Variants in ADGRD1 observed in about 807,000 individuals in gnomAD.
ADGRD1 encodes the protein G-protein coupled receptor 133.
ADGRD1 carries 77 observed loss-of-function variants against 113.4 expected under a neutral mutation model. The ratio of observed to expected loss-of-function variants is 0.68; its 90% CI spans 0.57 to 0.82. The LOEUF is 0.82. Ranked by LOEUF, ADGRD1 falls within the 40% of genes least tolerant of loss-of-function variation. ADGRD1 has a pLI of 0.00. For missense variants in ADGRD1, 1,036 were observed against 1,139.1 expected (o/e 0.91, Z 1.30); for synonymous variants, 474 against 475.0 (o/e 1.00, Z 0.03).
In ADGRD1 at chr12:131,136,045, C is replaced by T. The variant is rs1160997194; in HGVS notation, c.2276C>T (p.Ala759Val). 1.9e-6 allele frequency: 3 copies of T among 1,614,158 alleles called. No individual in the cohort carries two copies. Among genetic ancestry groups the T allele is most frequent in the Non-Finnish European group, 2.5e-6 (3 of 1,179,996 alleles). Residue 759 changes from alanine (A) to valine (V), a missense_variant, in exon 22 of 25, where the codon GCC becomes GTC. Ala to Val is a moderately conservative substitution (Grantham distance 64). Coordinates refer to ENST00000261654, the MANE Select transcript of ADGRD1 (RefSeq NM_198827.5). ...TCACTGTTTCTCTCCAGGTTGACAG[C>T]CAAGGCAGTGGCCGTGCTGCTGCCC... ...HGDPSAFKLT[A>V]KAVAVLLPIL...
chr12:130,994,178 T>A, intron 8 of ADGRD1: 1 of 397,284 alleles, frequency 2.5e-6, no homozygotes, highest in Non-Finnish European at 5.3e-6. Context: ...GGGTGTTGGG[T>A]GGAAAGAGCG....
At chr12:131,045,880 A>C (rs568239250) in intron 13 of ADGRD1, among the ~76,000 whole-genome samples, 1 of 150,854 alleles carries the variant, frequency 6.6e-6, no homozygotes. Flanking sequence ...TGCCTTGTCC[A>C]TATCCTTCCT....
intron 13 of ADGRD1, among the ~76,000 whole-genome samples, chr12:131,064,740 A>G (rs1884584991): frequency 6.6e-6 from 1 of 152,220 alleles, no homozygotes. Flanking sequence ...TACTCAAGTG[A>G]GTTTATCTTA....
intron 6 of ADGRD1, 153 bp downstream of exon 6, chr12:130,987,502 AG>A: frequency 1.4e-6 from 1 of 729,688 alleles, no homozygotes; most frequent in South Asian, 1.8e-5. Context: ...GTTGTGTGTT[AG>A]AACACCTGTT....
chr12:131,017,131 T>C (rs1453190260), intron 13 of ADGRD1, among the ~76,000 whole-genome samples: 2 of 152,002 alleles, frequency 1.3e-5, no homozygotes, highest in African/African-American at 4.8e-5. Flanking sequence ...AGAGCACAGC[T>C]TGAGTGCCAG....
intron 2 of ADGRD1, among the ~76,000 whole-genome samples, chr12:130,964,910 A>G (rs116448914): frequency 0.021 from 3,212 of 152,124 alleles, 41 homozygotes; most frequent in South Asian, 0.054. Flanking sequence ...CTTATTTTTT[A>G]TATAAACTCC....
At chr12:130,956,852 C>G (rs976405366) in intron 2 of ADGRD1, 1 of 152,358 alleles carries the variant, frequency 6.6e-6, no homozygotes, top group Non-Finnish European at 1.5e-5. Context: ...CAACACAAAT[C>G]ACACACATCC....
At position 131,076,804 on chromosome 12, in the gene ADGRD1, CG is replaced by C; in HGVS notation, c.1478del (p.Arg493LeufsTer102). On this transcript the variant is annotated frameshift_variant, in exon 14 of 25. Coordinates refer to ENST00000261654, the MANE Select transcript of ADGRD1 (RefSeq NM_198827.5). LOFTEE classifies it high-confidence loss of function. ...TGTTTGCTTTCTTTCATTTCAGACA[CG>C]TAAGCAGCACAGTGAGGCCACCAAC... is the stretch of plus-strand genomic sequence containing the variant. The part of the protein sequence containing the change: ...ITVHLKHRLT[R>X]KQHSEATNSS... 6.2e-7 allele frequency: 1 copy of C among 1,613,852 alleles called. No individual in the cohort carries two copies. Among genetic ancestry groups the C allele is most frequent in the African/African-American group, 1.3e-5 (1 of 75,040 alleles).
At chr12:130,979,815 TCTCACA>T (rs367823160) in intron 4 of ADGRD1, among the ~76,000 whole-genome samples, 79,181 of 139,628 alleles carry the variant, frequency 0.57, 23,624 homozygotes, top group East Asian at 0.75. Context: ...GCAGCTAGTG[TCTCACA>T]CACACACACA....
intron 2 of ADGRD1, among the ~76,000 whole-genome samples, chr12:130,958,540 T>A (rs1869957493): frequency 1.3e-5 from 2 of 152,080 alleles, no homozygotes; most frequent in African/African-American, 4.8e-5. Flanking sequence ...CATCTCAGGC[T>A]CTGCTCACCT....
intron 13 of ADGRD1, among the ~76,000 whole-genome samples, chr12:131,073,706 C>T (rs540692783): frequency 6.8e-4 from 104 of 152,236 alleles, no homozygotes; most frequent in African/African-American, 2.3e-3. Flanking sequence ...GCTCGGGCAG[C>T]CGTGTCTGGT....
intron 4 of ADGRD1, chr12:130,977,864 CTGAGTCTGTGGGCCTGGGAAG>C (rs1223896412): frequency 6.6e-6 from 1 of 152,538 alleles, no homozygotes; most frequent in South Asian, 2.1e-4. Flanking sequence ...TTGCAGGGTG[CTGAGTCTGTGGGCCTGGGAAG>C]GGCAGCTGCA....
chr12:131,031,895 T>C (rs1880802359), intron 13 of ADGRD1, among the ~76,000 whole-genome samples: 2 of 152,222 alleles, frequency 1.3e-5, no homozygotes, highest in Admixed American at 6.5e-5. Context: ...GGTGCCTACC[T>C]GCCTTCCCTG....
chr12:131,040,122 A>G (rs1337174803), intron 13 of ADGRD1, among the ~76,000 whole-genome samples: 1 of 152,098 alleles, frequency 6.6e-6, no homozygotes, highest in Non-Finnish European at 1.5e-5. Context: ...TCCTGCTCCC[A>G]GGGGCCGCTT....
rs79986349 is a variant in ADGRD1 at position 131,050,686 on chromosome 12, G to C, written c.1474-26115G>C. Among the ~76,000 whole-genome samples the C allele has an allele frequency of 5.4e-3, 828 of 152,232 alleles. 6 individuals carry two copies. The highest frequency in any genetic ancestry group is 0.019 in the African/African-American group (802 of 41,538). On this transcript the variant is annotated intron_variant, in intron 13 of 24. Transcript: ENST00000261654. The surrounding 1 kb of genome is among the most constrained non-coding windows in gnomAD (Gnocchi z 4.8). ...ACAGTGCCAAGAGGGATGGTGTTAA[G>C]CCAGCGGTCCCCAGACATTTTGGCA...
Position 131,006,056 on chromosome 12 carries a change from CG to C in ADGRD1, c.1331+14del, listed in dbSNP as rs748522554. The C allele has an allele frequency of 5.6e-6, 9 of 1,611,680 alleles. No individual in the cohort carries two copies. The African/African-American group carries it at 1.1e-4, about 19-fold the overall frequency. On this transcript the variant is annotated intron_variant, in intron 12 of 24. Coordinates refer to ENST00000261654, the MANE Select transcript of ADGRD1 (RefSeq NM_198827.5). ...TGGCCCGCCCACACCAAGTGAGTCT[CG>C]GGGGTGCTCAGCTCAGGGGCGTGGG... is the stretch of plus-strand genomic sequence containing the variant.
chr12:130,992,578 C>T lies in ADGRD1; in HGVS notation c.966+186C>T, dbSNP rs564808440. On this transcript the variant is annotated intron_variant, in intron 8 of 24. Transcript: ENST00000261654. ...TCCTGGCCAGCTCTGTACAGCTCAG[C>T]GGAGCTTCCTTTATGGGCACTTGAG... 2.2e-4 allele frequency: 115 copies of T among 515,954 alleles called. No homozygotes were observed. In the South Asian group the frequency reaches 3.1e-3, roughly 14 times the overall value. The allele number at this position is 515,954 out of a possible 1,614,324, so 32.0% of individuals were successfully genotyped here.
intron 13 of ADGRD1, chr12:131,023,819 GA>G (rs1227214601): frequency 6.6e-6 from 1 of 152,196 alleles, no homozygotes; most frequent in Non-Finnish European, 1.5e-5. Flanking sequence ...TGGAAACCCA[GA>G]AAGTTTCTAT....
chr12:131,125,662 A>G (rs181031168), intron 20 of ADGRD1, among the ~76,000 whole-genome samples: 6 of 152,370 alleles, frequency 3.9e-5, no homozygotes, highest in Non-Finnish European at 1.5e-5. Flanking sequence ...AAGCATAAAT[A>G]TAGATACAGA....
Sources: allele counts gnomAD v4.1 joint callset (sites outside exome capture counted in the v4.1 genomes callset), GRCh38; gene constraint gnomAD v4.1.1; non-coding constraint Gnocchi (gnomAD v3.1); transcripts MANE v1.5; gene names NCBI Gene and HGNC (gene_info 2026-07-23, HGNC 2026-07-21).